Variants in CFAP20DC observed in about 807,000 individuals in gnomAD.
The protein encoded by CFAP20DC is CFAP20 domain containing, also known as protein CFAP20DC.
Under a neutral mutation model 101.7 loss-of-function variants are expected in CFAP20DC, and 84 were observed. The observed-to-expected ratio is 0.83, with a 90% confidence interval of 0.69 to 0.99. The LOEUF is 0.99. CFAP20DC is among the 50% of genes least tolerant of loss of function. CFAP20DC has a pLI of 0.00. For synonymous variants in CFAP20DC, 359 were observed against 351.2 expected (o/e 1.02, Z -0.25); for missense variants, 1,007 against 970.3 (o/e 1.04, Z -0.50).
chr3:58,771,082 T>C (rs1461143977), intron 15 of CFAP20DC, among the ~76,000 whole-genome samples: 1 of 152,130 alleles, frequency 6.6e-6, no homozygotes, highest in Non-Finnish European at 1.5e-5. Context: ...TAAAAAAGCA[T>C]GAGTTCATGT....
At chr3:58,785,548 T>C (rs944606816) in intron 15 of CFAP20DC, among the ~76,000 whole-genome samples, 1 of 152,012 alleles carries the variant, frequency 6.6e-6, no homozygotes, top group Non-Finnish European at 1.5e-5. Context: ...ACTCCATAAA[T>C]GTAAAATATT....
intron 16 of CFAP20DC, among the ~76,000 whole-genome samples, chr3:58,747,134 T>C (rs536085924): frequency 2.6e-5 from 4 of 152,220 alleles, no homozygotes; most frequent in Admixed American, 6.5e-5. Flanking sequence ...TAAGAGCATC[T>C]GGATAGGGGT....
intron 5 of CFAP20DC, among the ~76,000 whole-genome samples, chr3:58,935,473 C>T (rs1559853962): frequency 6.6e-6 from 1 of 151,852 alleles, no homozygotes; most frequent in African/African-American, 2.4e-5. Flanking sequence ...CAAGTCAATC[C>T]TAAGCCAAAA....
intron 7 of CFAP20DC, 55 bp downstream of exon 7, chr3:58,884,490 T>C: frequency 2.6e-6 from 4 of 1,540,074 alleles, no homozygotes; most frequent in Non-Finnish European, 3.6e-6. Flanking sequence ...AAGTCACACT[T>C]TATGGGAGAG....
At chr3:58,956,160 A>T (rs2090606805) in intron 4 of CFAP20DC, among the ~76,000 whole-genome samples, 5 of 151,566 alleles carry the variant, frequency 3.3e-5, no homozygotes. Context: ...AAGGAAAAGT[A>T]ATGGGATTTC....
At chr3:58,946,449 T>G (rs558212627) in intron 4 of CFAP20DC, among the ~76,000 whole-genome samples, 6 of 152,192 alleles carry the variant, frequency 3.9e-5, no homozygotes, top group Non-Finnish European at 4.4e-5. Context: ...ATTCTTCATG[T>G]GGACCAGCCA....
At position 58,731,033 on chromosome 3, in the gene CFAP20DC, C is replaced by G. The variant is rs117351501; in HGVS notation, c.198-13405G>C. Among the ~76,000 whole-genome samples, 262 of 152,216 alleles carry G rather than the reference C, an allele frequency of 1.7e-3. 5 individuals are homozygous for G. In the East Asian group the frequency reaches 0.034, roughly 20 times the overall value. On this transcript the variant is annotated intron_variant, in intron 3 of 3. Coordinates refer to the CFAP20DC transcript ENST00000486145. Reference sequence around the variant, plus strand: ...GAGCTTATTTGTTTATTAAATGCAACAACAACAGAAAAGCCTTGTCATATC... The same window carrying G: ...GAGCTTATTTGTTTATTAAATGCAAGAACAACAGAAAAGCCTTGTCATATC...
At position 59,014,685 on chromosome 3, in the gene CFAP20DC, A is replaced by G. The variant is rs1462620584; in HGVS notation, c.278+24872T>C. Among the ~76,000 whole-genome samples, 4 of 152,126 alleles carry G rather than the reference A, an allele frequency of 2.6e-5. No individual in the cohort carries two copies. In the East Asian group the frequency reaches 7.7e-4, roughly 29 times the overall value. ...ACATCTGATGTTTGAAGTGAGAGTA[A>G]TTTATTTACTAACGGCTAACCCTCA... On this transcript the variant is annotated intron_variant, in intron 4 of 16. Coordinates refer to ENST00000482387, the MANE Select transcript of CFAP20DC (RefSeq NM_001394063.1). This position sits in a 1 kb window ranked among gnomAD's most constrained non-coding sequence, Gnocchi z 4.9.
At position 58,721,761 on chromosome 3, in the gene CFAP20DC, C is replaced by T. The variant is rs1482653693; in HGVS notation, c.198-4133G>A. 6.6e-6 allele frequency among the ~76,000 whole-genome samples: 1 copy of T among 152,186 alleles called. No individual in the cohort carries two copies. The highest frequency in any genetic ancestry group is 1.5e-5 in the Non-Finnish European group (1 of 68,036). ...GAAGGGATTTTCCCAGAGATTTCTG[C>T]CCTGGGATCTCTATTCTTTTCTCAA... On this transcript the variant is annotated intron_variant, in intron 3 of 3. Coordinates refer to the CFAP20DC transcript ENST00000486145. This position sits in a 1 kb window ranked among gnomAD's most constrained non-coding sequence, Gnocchi z 5.2.
chr3:58,759,397 T>G (rs893543612), intron 15 of CFAP20DC, among the ~76,000 whole-genome samples: 1 of 152,228 alleles, frequency 6.6e-6, no homozygotes, highest in East Asian at 1.9e-4. Flanking sequence ...TTTTTTCTTG[T>G]AAATTTGTTT....
At position 58,834,737 on chromosome 3, in the gene CFAP20DC, A is replaced by T. The variant is rs534381900; in HGVS notation, c.1972-2848T>A. Reference sequence around the variant, plus strand: ...ACTAAATGAAATAATATTACATTGAATGCTTAGTAGAGGCACCTGACAAAC... The same window carrying T: ...ACTAAATGAAATAATATTACATTGATTGCTTAGTAGAGGCACCTGACAAAC... On this transcript the variant is annotated intron_variant, in intron 13 of 16. Transcript: ENST00000482387. 5.3e-5 allele frequency among the ~76,000 whole-genome samples: 8 copies of T among 152,280 alleles called. No individual in the cohort carries two copies. The South Asian group carries it at 1.5e-3, about 28-fold the overall frequency.
At chr3:58,747,499 G>T (rs1031014954) in intron 16 of CFAP20DC, among the ~76,000 whole-genome samples, 2 of 152,152 alleles carry the variant, frequency 1.3e-5, no homozygotes, top group African/African-American at 4.8e-5. Flanking sequence ...TAGTTTATCA[G>T]ATTTAAAATC....
intron 4 of CFAP20DC, among the ~76,000 whole-genome samples, chr3:58,993,064 C>G (rs1389617078): frequency 6.6e-6 from 1 of 152,072 alleles, no homozygotes; most frequent in East Asian, 1.9e-4. Context: ...GTGGGGAGTA[C>G]TTTTCCAATT....
chr3:58,748,187 C>T lies in CFAP20DC; in HGVS notation c.2332+5582G>A, dbSNP rs115453337. Reference sequence around the variant, plus strand: ...TAACCCTGTGGTTTACAACTCTAAACGCACTTTGTTACACGTGAAGGAGGG... The same window carrying T: ...TAACCCTGTGGTTTACAACTCTAAATGCACTTTGTTACACGTGAAGGAGGG... On this transcript the variant is annotated intron_variant, in intron 16 of 16. Coordinates refer to ENST00000482387, the MANE Select transcript of CFAP20DC (RefSeq NM_001394063.1). Among the ~76,000 whole-genome samples the T allele has an allele frequency of 8.2e-3, 1,247 of 152,226 alleles. 19 individuals are homozygous for T. Among genetic ancestry groups the T allele is most frequent in the African/African-American group, 0.028 (1,183 of 41,534 alleles).
At position 58,868,417 on chromosome 3, in the gene CFAP20DC, C is replaced by A; in HGVS notation, c.1016-481G>T. ...TTAGCAATAATAATAATCATAGCAG[C>A]ATTTAACATTTCCTGAATGCTTAAT... On this transcript the variant is annotated intron_variant, in intron 9 of 16. Transcript: ENST00000482387. The surrounding 1 kb of genome is among the most constrained non-coding windows in gnomAD (Gnocchi z 4.6). Among the ~76,000 whole-genome samples the A allele has an allele frequency of 6.6e-6, 1 of 152,150 alleles. No homozygotes were observed.
intron 4 of CFAP20DC, among the ~76,000 whole-genome samples, chr3:58,990,313 A>G (rs1489432972): frequency 6.6e-6 from 1 of 152,180 alleles, no homozygotes; most frequent in Non-Finnish European, 1.5e-5. Context: ...TTCTTTGTTT[A>G]TTTATTCTTC....
rs557689266 is a variant in CFAP20DC, at chr3:58,728,968, G to C, written c.198-11340C>G. On this transcript the variant is annotated intron_variant, in intron 3 of 3. Transcript: ENST00000486145. This position sits in a 1 kb window ranked among gnomAD's most constrained non-coding sequence, Gnocchi z 4.7. ...GGGCTAGGTCATAAAAGGCATTGCA[G>C]CTCCCTTTGTGGCTTCTTGGATCAT... Among the ~76,000 whole-genome samples, 1 of 152,258 alleles carries C rather than the reference G, an allele frequency of 6.6e-6. No homozygotes were observed. Among genetic ancestry groups the C allele is most frequent in the Admixed American group, 6.5e-5 (1 of 15,302 alleles).
At chr3:58,884,770 T>C in intron 6 of CFAP20DC, 61 bp from the exon 7 acceptor site, 1 of 1,331,754 alleles carries the variant, frequency 7.5e-7, no homozygotes, top group East Asian at 2.3e-5. Context: ...AATGGACCTA[T>C]CATATAAATG....
At chr3:59,026,979 C>T (rs1181440760) in intron 4 of CFAP20DC, among the ~76,000 whole-genome samples, 1 of 152,132 alleles carries the variant, frequency 6.6e-6, no homozygotes, top group African/African-American at 2.4e-5. Flanking sequence ...TAGAAAAAGA[C>T]CAATGTCTTC....
Sources: allele counts gnomAD v4.1 joint callset (sites outside exome capture counted in the v4.1 genomes callset), GRCh38; gene constraint gnomAD v4.1.1; non-coding constraint Gnocchi (gnomAD v3.1); transcripts MANE v1.5; gene names NCBI Gene and HGNC (gene_info 2026-07-23, HGNC 2026-07-21).